The following PXDNL variants were observed in gnomAD, a reference collection of about 807,000 sequenced individuals.
PXDNL encodes probable oxidoreductase PXDNL.
Under a neutral mutation model 150.8 loss-of-function variants are expected in PXDNL, and 145 were observed. That is an observed-to-expected ratio of 0.96 (90% confidence interval 0.84 to 1.10). PXDNL has a LOEUF of 1.10. Among genes scored for constraint, PXDNL ranks in the 50% least tolerant of loss-of-function variants. The pLI, the probability that PXDNL is intolerant of heterozygous loss-of-function variation, is 0.00. For synonymous variants in PXDNL, 757 were observed against 725.7 expected, an observed-to-expected ratio of 1.04 and a Z score of -0.69; for missense variants, 2,087 against 1,873.9, an observed-to-expected ratio of 1.11 and a Z score of -2.10.
At chr8:51,405,884 A>G (rs1808422885) in intron 17 of PXDNL, among the ~76,000 whole-genome samples, 1 of 152,198 alleles carries the variant, frequency 6.6e-6, no homozygotes, top group Non-Finnish European at 1.5e-5. Context: ...TAGTTCAAAC[A>G]TTCTCCCAGG....
chr8:51,717,101 T>C (rs1816630125), intron 1 of PXDNL, among the ~76,000 whole-genome samples: 1 of 152,222 alleles, frequency 6.6e-6, no homozygotes, highest in South Asian at 2.1e-4. Flanking sequence ...ATCCTTAGTA[T>C]GTGGCCTTCA....
chr8:51,621,767 T>C (rs960459382), intron 2 of PXDNL, among the ~76,000 whole-genome samples: 1 of 151,788 alleles, frequency 6.6e-6, no homozygotes, highest in African/African-American at 2.4e-5. Context: ...TGGCAAAACC[T>C]TGTCTCTACA....
At chr8:51,651,465 C>A (rs973095794) in intron 2 of PXDNL, among the ~76,000 whole-genome samples, 1 of 152,162 alleles carries the variant, frequency 6.6e-6, no homozygotes, top group Non-Finnish European at 1.5e-5. Flanking sequence ...ACTTGCCACA[C>A]TTCACAAAAC....
intron 2 of PXDNL, among the ~76,000 whole-genome samples, chr8:51,641,232 G>C (rs991670907): frequency 1.6e-5 from 2 of 121,652 alleles, no homozygotes; most frequent in Non-Finnish European, 3.2e-5. Flanking sequence ...TTAAACGTTA[G>C]ACCTAAACCA....
chr8:51,767,808 C>G (rs1308546710), intron 1 of PXDNL, among the ~76,000 whole-genome samples: 8 of 152,316 alleles, frequency 5.3e-5, no homozygotes, highest in Non-Finnish European at 2.9e-5. Flanking sequence ...TGTATCACTG[C>G]CAGGGCAACT....
chr8:51,386,611 G>A (rs988474460), intron 17 of PXDNL, among the ~76,000 whole-genome samples: 1 of 152,036 alleles, frequency 6.6e-6, no homozygotes, highest in Non-Finnish European at 1.5e-5. Flanking sequence ...TATATAGGTA[G>A]TTAAGTGGAT....
Position 51,371,797 on chromosome 8 carries a change from T to A in PXDNL, c.3901+76A>T, listed in dbSNP as rs933089470. The A allele has an allele frequency of 3.3e-5, 43 of 1,285,596 alleles. No individual in the cohort carries two copies. In the East Asian group the frequency reaches 9.5e-4, roughly 28 times the overall value. The allele number at this position is 1,285,596 out of a possible 1,614,324, so 79.6% of individuals were successfully genotyped here. ...GCGTATCTTTCTTTAAATCGCATAATCTTTACCACTGAAAACAATTCAAGC... is the reference window on the plus strand; with the variant it reads ...GCGTATCTTTCTTTAAATCGCATAAACTTTACCACTGAAAACAATTCAAGC... On this transcript the variant is annotated intron_variant, in intron 19 of 22. Coordinates refer to ENST00000356297, the MANE Select transcript of PXDNL (RefSeq NM_144651.5).
intron 2 of PXDNL, among the ~76,000 whole-genome samples, chr8:51,633,652 A>AAAG (rs757965822): frequency 3.0e-4 from 45 of 152,052 alleles, no homozygotes; most frequent in Admixed American, 2.9e-3. Flanking sequence ...CCATCTCTAA[A>AAAG]AAGAAGAAGA....
intron 1 of PXDNL, among the ~76,000 whole-genome samples, chr8:51,800,646 G>C (rs2037608539): frequency 6.6e-6 from 1 of 152,196 alleles, no homozygotes; most frequent in South Asian, 2.1e-4. Flanking sequence ...TTTTAATATG[G>C]ACACATATCA....
In PXDNL at chr8:51,709,017, G is replaced by A. The variant is rs141344333; in HGVS notation, c.165-54257C>T. On this transcript the variant is annotated intron_variant, in intron 1 of 22. Coordinates refer to ENST00000356297, the MANE Select transcript of PXDNL (RefSeq NM_144651.5). Reference sequence around the variant, plus strand: ...AGCCTTTGGGGTTTAAGCAGAAGACGAGCAGACTGCTAAGGGATGAAGAAG... The same window carrying A: ...AGCCTTTGGGGTTTAAGCAGAAGACAAGCAGACTGCTAAGGGATGAAGAAG... Among the ~76,000 whole-genome samples, 16 of 152,158 alleles carry A rather than the reference G, an allele frequency of 1.1e-4. No individual in the cohort carries two copies. The East Asian group carries it at 3.1e-3, about 30-fold the overall frequency.
chr8:51,598,247 T>G (rs1813617729), intron 2 of PXDNL, among the ~76,000 whole-genome samples: 1 of 152,188 alleles, frequency 6.6e-6, no homozygotes, highest in South Asian at 2.1e-4. Context: ...CTGATTGCTT[T>G]TGCTAGCACT....
intron 1 of PXDNL, among the ~76,000 whole-genome samples, chr8:51,742,627 GTTTATATATATAAACAT>G (rs1251558361): frequency 1.3e-5 from 2 of 150,976 alleles, no homozygotes; most frequent in Non-Finnish European, 2.9e-5. Context: ...TGAAGAAAAT[GTTTATATATATAAACAT>G]TTTATATATA....
intron 21 of PXDNL, among the ~76,000 whole-genome samples, chr8:51,333,554 G>A (rs997762887): frequency 2.6e-5 from 4 of 152,154 alleles, no homozygotes; most frequent in Non-Finnish European, 4.4e-5. Context: ...ATAAGGAACT[G>A]CAGAATGGAT....
chr8:51,513,551 G>A (rs566244857), intron 4 of PXDNL, among the ~76,000 whole-genome samples: 1 of 152,190 alleles, frequency 6.6e-6, no homozygotes, highest in Non-Finnish European at 1.5e-5. Flanking sequence ...ATAAGAAAGA[G>A]AATGAAGCTA....
chr8:51,435,945 A>G (rs529926027), intron 12 of PXDNL: 1 of 502,174 alleles, frequency 2.0e-6, no homozygotes, highest in African/African-American at 2.0e-5. Context: ...AAACTGTAAT[A>G]AATGCATCTA....
chr8:51,492,329 G>C (rs1381264266), intron 5 of PXDNL, among the ~76,000 whole-genome samples: 2 of 152,124 alleles, frequency 1.3e-5, no homozygotes, highest in Middle Eastern at 3.2e-3. Flanking sequence ...AATAGGAACA[G>C]CTCCAGTCTA....
intron 17 of PXDNL, among the ~76,000 whole-genome samples, chr8:51,382,436 A>G (rs1240182726): frequency 6.6e-6 from 1 of 152,184 alleles, no homozygotes; most frequent in East Asian, 1.9e-4. Flanking sequence ...GAAAACTAAT[A>G]TAATTATGAC....
chr8:51,711,143 T>TTTTTA (rs35102635), intron 1 of PXDNL, among the ~76,000 whole-genome samples: 5,629 of 152,178 alleles, frequency 0.037, 326 homozygotes, highest in African/African-American at 0.12. Context: ...GAAATTATCT[T>TTTTTA]TTTTATTTTA....
chr8:51,335,606 G>A (rs1362934702), intron 21 of PXDNL, among the ~76,000 whole-genome samples: 4 of 151,536 alleles, frequency 2.6e-5, no homozygotes. Context: ...TAATATCTGT[G>A]AAGACCTCAT....
Sources: allele counts gnomAD v4.1 joint callset (sites outside exome capture counted in the v4.1 genomes callset), GRCh38; gene constraint gnomAD v4.1.1; transcripts MANE v1.5; gene names NCBI Gene and HGNC (gene_info 2026-07-23, HGNC 2026-07-21).